CATSPERT: variants seen among roughly 807,000 people sequenced by gnomAD.
CATSPERT encodes the protein cation channel sperm-associated targeting subunit tau.
the CATSPERT span, among the ~76,000 whole-genome samples, chr2:201,559,750 G>C: frequency 6.6e-6 from 1 of 152,150 alleles, no homozygotes; most frequent in African/African-American, 2.4e-5. Context: ...CCGCCAATCT[G>C]ATATCCCAAG....
At chr2:201,489,345 A>G in the CATSPERT span, among the ~76,000 whole-genome samples, 1 of 152,226 alleles carries the variant, frequency 6.6e-6, no homozygotes, top group African/African-American at 2.4e-5. Context: ...AAAAATTCAG[A>G]AAATCCTCTT....
the CATSPERT span, among the ~76,000 whole-genome samples, chr2:201,531,314 G>A: frequency 6.6e-6 from 1 of 151,854 alleles, no homozygotes; most frequent in South Asian, 2.1e-4. Flanking sequence ...ACTGCCTACC[G>A]TGGACTCATC....
the CATSPERT span, among the ~76,000 whole-genome samples, chr2:201,618,406 T>A: frequency 6.6e-6 from 1 of 152,082 alleles, no homozygotes; most frequent in Non-Finnish European, 1.5e-5. Context: ...TCATGTCCTT[T>A]GTGGGGTCAT....
At chr2:201,512,773 T>A in the CATSPERT span, among the ~76,000 whole-genome samples, 1 of 152,106 alleles carries the variant, frequency 6.6e-6, no homozygotes, top group Non-Finnish European at 1.5e-5. Context: ...AACATGTAAG[T>A]CTTAATTTCC....
the CATSPERT span, among the ~76,000 whole-genome samples, chr2:201,581,110 T>C: frequency 6.6e-6 from 1 of 152,068 alleles, no homozygotes; most frequent in Non-Finnish European, 1.5e-5. Flanking sequence ...CAACTTTTAT[T>C]TGCAAATTTA....
chr2:201,581,544 GTGTGTA>G, the CATSPERT span, among the ~76,000 whole-genome samples: 2 of 9,372 alleles, frequency 2.1e-4, no homozygotes, highest in Non-Finnish European at 3.9e-4. Context: ...GGAAAAAAAT[GTGTGTA>G]TATATATATA....
At chr2:201,511,896 C>A in the CATSPERT span, 5 of 125,198 alleles carry the variant, frequency 4.0e-5, no homozygotes, top group African/African-American at 1.4e-4. Context: ...CTTCAAACAA[C>A]TCCGAAGATT....
chr2:201,564,847 T>C, the CATSPERT span, among the ~76,000 whole-genome samples: 1 of 152,192 alleles, frequency 6.6e-6, no homozygotes, highest in Non-Finnish European at 1.5e-5. Flanking sequence ...CTATGGTATT[T>C]GTTATAGCAG....
At chr2:201,604,825 G>A in the CATSPERT span, 10 of 498,032 alleles carry the variant, frequency 2.0e-5, no homozygotes, top group Non-Finnish European at 3.0e-5. Context: ...GTATTAATAT[G>A]ATTAAGAAAC....
the CATSPERT span, among the ~76,000 whole-genome samples, chr2:201,536,701 A>G: frequency 6.6e-6 from 1 of 151,988 alleles, no homozygotes; most frequent in African/African-American, 2.4e-5. Flanking sequence ...TCACAACTAT[A>G]TAAGAAAATA....
At chr2:201,599,933 C>A in the CATSPERT span, among the ~76,000 whole-genome samples, 1 of 152,136 alleles carries the variant, frequency 6.6e-6, no homozygotes, top group East Asian at 1.9e-4. Context: ...TTGCCTCCAG[C>A]AAAACTATTC....
the CATSPERT span, among the ~76,000 whole-genome samples, chr2:201,596,293 G>T: frequency 6.6e-6 from 1 of 152,180 alleles, no homozygotes. Context: ...GATGGAGCTG[G>T]AGGCCATTAT....
chr2:201,528,613 C>A, the CATSPERT span, among the ~76,000 whole-genome samples: 1 of 152,042 alleles, frequency 6.6e-6, no homozygotes, highest in Non-Finnish European at 1.5e-5. Flanking sequence ...TTTGCAGAAA[C>A]ATGGATGCAG....
chr2:201,594,545 G>A, the CATSPERT span, among the ~76,000 whole-genome samples: 2 of 152,166 alleles, frequency 1.3e-5, no homozygotes, highest in African/African-American at 2.4e-5. Flanking sequence ...GATTGGGGAA[G>A]TTCTCCTGGA....
At chr2:201,494,405 C>A in the CATSPERT span, 79 of 1,537,418 alleles carry the variant, frequency 5.1e-5, no homozygotes, top group Non-Finnish European at 6.9e-5. Flanking sequence ...ACATTTCCAG[C>A]CCTTGATGAT....
chr2:201,597,688 C>T, the CATSPERT span, among the ~76,000 whole-genome samples: 1 of 152,144 alleles, frequency 6.6e-6, no homozygotes, highest in Admixed American at 6.5e-5. Flanking sequence ...TTGTTCAATG[C>T]CAGGATATAG....
At chr2:201,563,217 T>A in the CATSPERT span, among the ~76,000 whole-genome samples, 2 of 103,290 alleles carry the variant, frequency 1.9e-5, no homozygotes, top group African/African-American at 3.9e-5. Flanking sequence ...CCTCCCGGAC[T>A]GGGCGGCTGG....
the CATSPERT span, among the ~76,000 whole-genome samples, chr2:201,528,988 G>T: frequency 6.6e-6 from 1 of 151,926 alleles, no homozygotes; most frequent in Non-Finnish European, 1.5e-5. Flanking sequence ...AATCAAGGAG[G>T]CAATCCCATT....
the CATSPERT span, among the ~76,000 whole-genome samples, chr2:201,598,198 T>C: frequency 6.6e-6 from 1 of 152,138 alleles, no homozygotes; most frequent in South Asian, 2.1e-4. Context: ...AACTACTGGG[T>C]GCAAGCCATC....
Sources: allele counts gnomAD v4.1 joint callset (sites outside exome capture counted in the v4.1 genomes callset), GRCh38; gene constraint gnomAD v4.1.1; transcripts MANE v1.5; gene names NCBI Gene and HGNC (gene_info 2026-07-23, HGNC 2026-07-21).